The following LRP1B variants were observed in gnomAD, a reference collection of about 807,000 sequenced individuals.
LRP1B encodes LDL receptor related protein 1B, also known as low-density lipoprotein receptor-related protein 1B.
A neutral mutation model predicts 556.6 loss-of-function variants in LRP1B; 217 were observed. The observed-to-expected ratio is 0.39, with a 90% CI of 0.35 to 0.44. The LOEUF (loss-of-function observed/expected upper bound fraction) is 0.44. Among genes scored for constraint, LRP1B ranks in the 20% least tolerant of loss-of-function variants. The pLI is 1.00. For synonymous variants in LRP1B, 2,047 were observed against 1,865.8 expected (o/e 1.10, Z -2.50); for missense variants, 5,053 against 5,620.8 (o/e 0.90, Z 3.23).
chr2:141,579,320 T>C (rs926413124), intron 2 of LRP1B, among the ~76,000 whole-genome samples: 4 of 152,294 alleles, frequency 2.6e-5, no homozygotes, highest in African/African-American at 9.6e-5. Context: ...TTCACAACCA[T>C]AGTAAAATGA....
At chr2:140,563,853 C>T (rs1400969225) in intron 43 of LRP1B, among the ~76,000 whole-genome samples, 3 of 152,032 alleles carry the variant, frequency 2.0e-5, no homozygotes, top group Admixed American at 2.0e-4. Flanking sequence ...ACCGAATAGA[C>T]AGAAAAAGTG....
intron 2 of LRP1B, among the ~76,000 whole-genome samples, chr2:141,659,678 C>T (rs772924598): frequency 1.1e-4 from 16 of 151,706 alleles, no homozygotes; most frequent in Admixed American, 2.0e-4. Flanking sequence ...TAACTGTGGC[C>T]GACTAGATCT....
chr2:141,399,517 T>G (rs1488961847), intron 3 of LRP1B, among the ~76,000 whole-genome samples: 1 of 152,206 alleles, frequency 6.6e-6, no homozygotes, highest in Non-Finnish European at 1.5e-5. Flanking sequence ...ATCTTTAAAC[T>G]AAAGTTTTCT....
intron 1 of LRP1B, among the ~76,000 whole-genome samples, chr2:142,026,696 G>A (rs1703517766): frequency 1.3e-5 from 2 of 152,014 alleles, no homozygotes; most frequent in African/African-American, 4.8e-5. Context: ...GGTGGGAACT[G>A]GGGGAACTTC....
chr2:141,189,415 A>G lies in LRP1B; in HGVS notation c.851-832T>C, dbSNP rs539147226. 1.4e-4 allele frequency among the ~76,000 whole-genome samples: 22 copies of G among 152,126 alleles called. No individual in the cohort carries two copies. In the South Asian group the frequency reaches 4.6e-3, roughly 31 times the overall value. ...CATGTTCCTGGAACTTGTGATACAA[A>G]GAACAATGTATAGCCAATCAATAAC... On this transcript the variant is annotated intron_variant, in intron 6 of 90. Coordinates refer to ENST00000389484, the MANE Select transcript of LRP1B (RefSeq NM_018557.3).
intron 1 of LRP1B, among the ~76,000 whole-genome samples, chr2:141,925,575 AATG>A (rs1412147438): frequency 6.6e-6 from 1 of 152,206 alleles, no homozygotes; most frequent in Non-Finnish European, 1.5e-5. Context: ...TAGGCCAGAC[AATG>A]TCCTGGAAAT....
intron 66 of LRP1B, among the ~76,000 whole-genome samples, chr2:140,438,922 T>C (rs1045470007): frequency 6.6e-6 from 1 of 152,094 alleles, no homozygotes; most frequent in African/African-American, 2.4e-5. Flanking sequence ...AGTTGACCAC[T>C]AGAGACCAAA....
At chr2:141,839,452 T>G (rs1317241077) in intron 1 of LRP1B, among the ~76,000 whole-genome samples, 1 of 152,188 alleles carries the variant, frequency 6.6e-6, no homozygotes, top group Non-Finnish European at 1.5e-5. Flanking sequence ...CCATCAGATG[T>G]CATTCCAAAT....
rs1701604488 is a variant in LRP1B, at chr2:141,967,825, A to T, written c.83-157424T>A. Among the ~76,000 whole-genome samples the T allele has an allele frequency of 2.6e-5, 4 of 152,002 alleles. No individual in the cohort carries two copies. The South Asian group carries it at 6.2e-4, about 24-fold the overall frequency. On this transcript the variant is annotated intron_variant, in intron 1 of 90. Coordinates refer to ENST00000389484, the MANE Select transcript of LRP1B (RefSeq NM_018557.3). The stretch of plus-strand genomic sequence containing the variant: ...ATTTACTATAAGCCTGTTAACTCAC[A>T]CAATTGAGTTTATATCTCTTTAGTT...
At chr2:140,746,447 T>C (rs888182292) in intron 35 of LRP1B, among the ~76,000 whole-genome samples, 4 of 152,162 alleles carry the variant, frequency 2.6e-5, no homozygotes, top group African/African-American at 9.7e-5. Context: ...AATAGGTAGA[T>C]GGTTTTCCTA....
At chr2:141,049,263 T>C in intron 10 of LRP1B, 41 bp from the exon 11 acceptor site, 1 of 1,271,962 alleles carries the variant, frequency 7.9e-7, no homozygotes, top group Non-Finnish European at 1.1e-6. Context: ...CTGATGCTGC[T>C]TAATCTTCTT....
At chr2:141,813,986 C>A (rs962985247) in intron 1 of LRP1B, among the ~76,000 whole-genome samples, 1 of 152,054 alleles carries the variant, frequency 6.6e-6, no homozygotes, top group Admixed American at 6.6e-5. Context: ...CCACAAGTCT[C>A]AGGAAGACAC....
At chr2:142,075,892 T>C (rs1705480459) in intron 1 of LRP1B, among the ~76,000 whole-genome samples, 1 of 152,134 alleles carries the variant, frequency 6.6e-6, no homozygotes. Flanking sequence ...GGGGCTTGAC[T>C]AAGAAAATTG....
intron 23 of LRP1B, among the ~76,000 whole-genome samples, chr2:140,895,667 C>A (rs981694471): frequency 6.6e-6 from 1 of 152,146 alleles, no homozygotes; most frequent in Non-Finnish European, 1.5e-5. Flanking sequence ...AGAATCAGGT[C>A]ACACAACGAA....
At chr2:140,444,193 A>C in intron 65 of LRP1B, 137 bp downstream of exon 65, 1 of 873,722 alleles carries the variant, frequency 1.1e-6, no homozygotes, top group South Asian at 2.1e-5. Context: ...CCCAGTTGGC[A>C]TCTATTTCTA....
At chr2:141,752,575 T>C (rs1229669513) in intron 2 of LRP1B, among the ~76,000 whole-genome samples, 1 of 152,020 alleles carries the variant, frequency 6.6e-6, no homozygotes, top group African/African-American at 2.4e-5. Context: ...TAGCCATGGA[T>C]TGGAATGACC....
At chr2:141,775,451 T>C (rs935985630) in intron 2 of LRP1B, among the ~76,000 whole-genome samples, 1 of 152,192 alleles carries the variant, frequency 6.6e-6, no homozygotes, top group African/African-American at 2.4e-5. Context: ...AGTAACTAAT[T>C]AGTTAAATAA....
At chr2:140,492,547 G>T in intron 57 of LRP1B, 61 bp downstream of exon 57, 1 of 1,120,498 alleles carries the variant, frequency 8.9e-7, no homozygotes, top group Non-Finnish European at 1.3e-6. Flanking sequence ...TAGTTCTACA[G>T]CTCTAACACA....
chr2:140,443,039 G>A (rs997224540), intron 65 of LRP1B, among the ~76,000 whole-genome samples: 6 of 152,098 alleles, frequency 3.9e-5, no homozygotes, highest in Non-Finnish European at 7.3e-5. Flanking sequence ...AAAGTACAAA[G>A]TTTATCAAAC....
Sources: allele counts gnomAD v4.1 joint callset (sites outside exome capture counted in the v4.1 genomes callset), GRCh38; gene constraint gnomAD v4.1.1; transcripts MANE v1.5; gene names NCBI Gene and HGNC (gene_info 2026-07-23, HGNC 2026-07-21).